The following NCKAP5 variants were observed in gnomAD, a reference collection of about 807,000 sequenced individuals.
The protein encoded by NCKAP5 is nck-associated protein 5.
Under a neutral mutation model 167.0 loss-of-function variants are expected in NCKAP5, and 92 were observed. The observed-to-expected ratio is 0.55, with a 90% CI of 0.47 to 0.66. The LOEUF is 0.66. NCKAP5 is among the 30% of genes least tolerant of loss of function. The pLI, the probability that NCKAP5 is intolerant of heterozygous loss-of-function variation, is 0.00. For synonymous variants in NCKAP5, 891 were observed against 877.4 expected (o/e 1.02, Z -0.27); for missense variants, 2,378 against 2,315.0 (o/e 1.03, Z -0.56).
At chr2:133,180,240 G>C (rs754342005) in intron 5 of NCKAP5, among the ~76,000 whole-genome samples, 1 of 152,086 alleles carries the variant, frequency 6.6e-6, no homozygotes, top group Non-Finnish European at 1.5e-5. Flanking sequence ...TAATGAAGGA[G>C]AAATCAAGAC....
chr2:132,784,878 T>C lies in NCKAP5; in HGVS notation c.1933A>G (p.Arg645Gly). The C allele has an allele frequency of 6.4e-7, 1 of 1,562,606 alleles. No homozygotes were observed. The highest frequency in any genetic ancestry group is 1.2e-5 in the South Asian group (1 of 81,302). Reference sequence around the variant, plus strand: ...TTAATGAAACTAAAAGTCTTTGGCCTAGTCTCTGAAGGGATGGGCACTTGT... The same window carrying C: ...TTAATGAAACTAAAAGTCTTTGGCCCAGTCTCTGAAGGGATGGGCACTTGT... Reference protein sequence around the residue: ...EKQVPIPSETRPKTFSFIKQQ... With the variant: ...EKQVPIPSETGPKTFSFIKQQ... The change falls in exon 14 of 20, where the codon AGG becomes GGG. Residue 645 changes from arginine (R) to glycine (G), a missense_variant. Arg to Gly is a moderately radical substitution (Grantham distance 125, BLOSUM62 -2). Transcript: ENST00000409261.
chr2:133,035,487 T>G (rs1349102754), intron 6 of NCKAP5, among the ~76,000 whole-genome samples: 1 of 152,018 alleles, frequency 6.6e-6, no homozygotes, highest in Non-Finnish European at 1.5e-5. Context: ...TGTATCACTC[T>G]CAAGGACAGC....
chr2:132,721,300 T>C (rs1434552610), intron 19 of NCKAP5, among the ~76,000 whole-genome samples: 1 of 151,760 alleles, frequency 6.6e-6, no homozygotes, highest in Non-Finnish European at 1.5e-5. Context: ...AGAACAAGAC[T>C]CCGTCTTGGA....
intron 5 of NCKAP5, among the ~76,000 whole-genome samples, chr2:133,149,579 C>A (rs17793177): frequency 6.6e-6 from 1 of 151,950 alleles, no homozygotes; most frequent in South Asian, 2.1e-4. Context: ...TTAACTACAA[C>A]GATGCCCCAA....
chr2:133,265,994 C>T (rs1170659469), intron 4 of NCKAP5, among the ~76,000 whole-genome samples: 1 of 152,196 alleles, frequency 6.6e-6, no homozygotes, highest in East Asian at 1.9e-4. Context: ...CCTGCAGCCC[C>T]TTTACGCCCC....
intron 7 of NCKAP5, among the ~76,000 whole-genome samples, chr2:132,969,132 G>A (rs2076753360): frequency 6.6e-6 from 1 of 152,102 alleles, no homozygotes; most frequent in Non-Finnish European, 1.5e-5. Context: ...CCGCCTCCTG[G>A]GTACAGGCGA....
intron 5 of NCKAP5, among the ~76,000 whole-genome samples, chr2:133,196,035 T>C (rs2085422073): frequency 6.6e-6 from 1 of 152,118 alleles, no homozygotes; most frequent in Non-Finnish European, 1.5e-5. Flanking sequence ...GGTAAAACGA[T>C]GGACAGAAGA....
At position 133,189,241 on chromosome 2, in the gene NCKAP5, T is replaced by A. The variant is rs183167233; in HGVS notation, c.207+24475A>T. ...CTCCCAAGACTAAACCAGGAAGAAG[T>A]TGAATCTCTGAATAGACCGATAACA... On this transcript the variant is annotated intron_variant, in intron 5 of 19. Transcript: ENST00000409261. 1.9e-4 allele frequency among the ~76,000 whole-genome samples: 29 copies of A among 152,176 alleles called. No homozygotes were observed. In the East Asian group the frequency reaches 5.2e-3, roughly 27 times the overall value.
At chr2:133,314,113 T>C (rs1681439579) in intron 3 of NCKAP5, among the ~76,000 whole-genome samples, 1 of 152,204 alleles carries the variant, frequency 6.6e-6, no homozygotes, top group Non-Finnish European at 1.5e-5. Context: ...AGGTATGTTC[T>C]AATTTTCTCT....
chr2:132,692,204 G>A (rs888261315), intron 19 of NCKAP5, among the ~76,000 whole-genome samples: 35 of 151,308 alleles, frequency 2.3e-4, no homozygotes, highest in Admixed American at 8.6e-4. Context: ...GTGCAGTGGC[G>A]CAATCTTGGC....
At chr2:133,468,431 G>A (rs543283179) in intron 3 of NCKAP5, among the ~76,000 whole-genome samples, 7 of 150,210 alleles carry the variant, frequency 4.7e-5, no homozygotes, top group South Asian at 4.3e-4. Context: ...TTACTTCCAA[G>A]TATGTGGTCA....
At chr2:132,728,453 A>G (rs1031385148) in intron 18 of NCKAP5, among the ~76,000 whole-genome samples, 1 of 152,116 alleles carries the variant, frequency 6.6e-6, no homozygotes, top group South Asian at 2.1e-4. Context: ...AACAAAGTAA[A>G]GGTTAAAATA....
chr2:133,180,742 C>A (rs865848120), intron 5 of NCKAP5, among the ~76,000 whole-genome samples: 6 of 152,162 alleles, frequency 3.9e-5, no homozygotes, highest in South Asian at 2.1e-4. Flanking sequence ...CCATAACACT[C>A]CTAGAAGAAA....
chr2:133,213,635 A>G lies in NCKAP5; in HGVS notation c.207+81T>C. Reference sequence around the variant, plus strand: ...TGCTGCAAGCAAATATTTTCCTTAGATATCCTTAATGAGGCAAAGTAGCTT... The same window carrying G: ...TGCTGCAAGCAAATATTTTCCTTAGGTATCCTTAATGAGGCAAAGTAGCTT... On this transcript the variant is annotated intron_variant, in intron 5 of 19. Transcript: ENST00000409261. The G allele has an allele frequency of 4.4e-6, 6 of 1,356,346 alleles. No individual in the cohort carries two copies. The South Asian group carries it at 7.3e-5, about 17-fold the overall frequency. 84.0% of individuals were successfully genotyped at this position (1,356,346 alleles called of 1,614,324 possible). A position where few individuals can be genotyped will look rare whatever the true frequency, so the allele number is the denominator to read the frequency against.
intron 16 of NCKAP5, among the ~76,000 whole-genome samples, chr2:132,734,454 A>C (rs755023195): frequency 3.9e-5 from 6 of 152,270 alleles, no homozygotes; most frequent in Middle Eastern, 3.4e-3. Flanking sequence ...GATTCATGGG[A>C]TGTAGCAGCT....
intron 5 of NCKAP5, among the ~76,000 whole-genome samples, chr2:133,207,473 G>A (rs571112145): frequency 6.6e-5 from 10 of 152,272 alleles, no homozygotes; most frequent in African/African-American, 2.4e-4. Flanking sequence ...CCTTATAAAT[G>A]TGGGCTGGTA....
intron 6 of NCKAP5, among the ~76,000 whole-genome samples, chr2:133,040,931 T>C (rs988152266): frequency 1.3e-5 from 2 of 152,132 alleles, no homozygotes; most frequent in Non-Finnish European, 2.9e-5. Flanking sequence ...TTAAAAGTTA[T>C]TGAATTTTCT....
intron 3 of NCKAP5, among the ~76,000 whole-genome samples, chr2:133,401,556 T>C (rs1317890220): frequency 6.6e-6 from 1 of 152,144 alleles, no homozygotes; most frequent in African/African-American, 2.4e-5. Flanking sequence ...GGACATCCAC[T>C]TGGTGTCTAG....
chr2:133,266,787 C>T (rs1191128327), intron 4 of NCKAP5, among the ~76,000 whole-genome samples: 6 of 152,198 alleles, frequency 3.9e-5, no homozygotes, highest in Admixed American at 2.6e-4. Context: ...TGCCGCGGGA[C>T]GTTTCACTGG....
Sources: gnomAD v4.1 joint callset for allele counts (sites outside exome capture counted in the v4.1 genomes callset) on GRCh38, gnomAD v4.1.1 for gene constraint, MANE v1.5 for transcripts, NCBI Gene and HGNC (gene_info 2026-07-23, HGNC 2026-07-21) for gene names.